Variants in NRP1 observed in about 807,000 individuals in gnomAD.
NRP1 encodes neuropilin 1, also known as neuropilin-1.
A neutral mutation model predicts 106.7 loss-of-function variants in NRP1; 35 were observed. The observed-to-expected ratio is 0.33, with a 90% confidence interval of 0.25 to 0.43. The LOEUF (loss-of-function observed/expected upper bound fraction) is 0.43, where lower values mean the gene tolerates loss of function less well. NRP1 is among the 20% of genes least tolerant of loss of function. The pLI is 1.00. For synonymous variants in NRP1, 437 were observed against 417.9 expected (o/e 1.05, Z -0.56); for missense variants, 1,024 against 1,170.4 (o/e 0.87, Z 1.83).
At chr10:33,249,898 GTT>G (rs145794392) in intron 6 of NRP1, among the ~76,000 whole-genome samples, 1 of 147,174 alleles carries the variant, frequency 6.8e-6, no homozygotes, top group Non-Finnish European at 1.5e-5. Flanking sequence ...ATGATGCATT[GTT>G]TTTTTTTTTA....
At position 33,317,389 on chromosome 10, in the gene NRP1, G is replaced by A. The variant is rs1241480387; in HGVS notation, c.248+13319C>T. ...CTGTCATAACCAGAAATGCAGGAAG[G>A]AGATGGCAAGGTCAAAGGACAGGGG... On this transcript the variant is annotated intron_variant, in intron 2 of 16. Coordinates refer to ENST00000374867, the MANE Select transcript of NRP1 (RefSeq NM_003873.7). Among the ~76,000 whole-genome samples, 3 of 152,320 alleles carry A rather than the reference G, an allele frequency of 2.0e-5. No individual in the cohort carries two copies. The East Asian group carries it at 5.8e-4, about 29-fold the overall frequency.
In NRP1 at chr10:33,254,010, T is replaced by C; in HGVS notation, c.981+18A>G. ...AAACTTATTCAATCCTAGATAGGCT[T>C]GATCTTATGCTGCATACCTGTATCC... is the stretch of plus-strand genomic sequence containing the variant. On this transcript the variant is annotated intron_variant, in intron 6 of 16. Transcript: ENST00000374867. 6.3e-7 allele frequency: 1 copy of C among 1,589,424 alleles called. No individual in the cohort carries two copies. The highest frequency in any genetic ancestry group is 8.5e-7 in the Non-Finnish European group (1 of 1,171,444).
chr10:33,211,013 A>G (rs569038542), intron 9 of NRP1, among the ~76,000 whole-genome samples: 22 of 152,380 alleles, frequency 1.4e-4, no homozygotes, highest in African/African-American at 4.8e-4. Context: ...AGTTTTCAGT[A>G]TCATAGGAAG....
intron 10 of NRP1, among the ~76,000 whole-genome samples, chr10:33,204,598 G>A (rs1588716495): frequency 6.6e-6 from 1 of 152,076 alleles, no homozygotes; most frequent in Non-Finnish European, 1.5e-5. Flanking sequence ...TTCTAAAGGG[G>A]AGTTCCGCAT....
intron 2 of NRP1, among the ~76,000 whole-genome samples, chr10:33,315,553 A>G (rs1462335283): frequency 6.6e-6 from 1 of 152,242 alleles, no homozygotes; most frequent in Non-Finnish European, 1.5e-5. Flanking sequence ...TATGCAAAAC[A>G]CTAAACTCGG....
chr10:33,251,563 C>T (rs545380691), intron 6 of NRP1, among the ~76,000 whole-genome samples: 2 of 152,270 alleles, frequency 1.3e-5, no homozygotes, highest in African/African-American at 4.8e-5. Context: ...TACCTTGCTT[C>T]TCCTGATCAT....
At chr10:33,188,264 A>G (rs993391452) in intron 13 of NRP1, among the ~76,000 whole-genome samples, 1 of 152,138 alleles carries the variant, frequency 6.6e-6, no homozygotes, top group African/African-American at 2.4e-5. Context: ...TCATTGCTCA[A>G]AGTTTATTGA....
At chr10:33,275,730 A>G (rs1303669597) in intron 2 of NRP1, among the ~76,000 whole-genome samples, 4 of 125,108 alleles carry the variant, frequency 3.2e-5, no homozygotes, top group African/African-American at 1.1e-4. Flanking sequence ...AGAACCCCCA[A>G]CACCTTCTCT....
At chr10:33,296,144 C>T (rs1456175796) in intron 2 of NRP1, among the ~76,000 whole-genome samples, 1 of 152,170 alleles carries the variant, frequency 6.6e-6, no homozygotes, top group Non-Finnish European at 1.5e-5. Context: ...AAAGAGTGAT[C>T]TTCAACACCA....
At chr10:33,321,557 T>A (rs999667348) in intron 2 of NRP1, among the ~76,000 whole-genome samples, 2 of 152,228 alleles carry the variant, frequency 1.3e-5, no homozygotes, top group African/African-American at 4.8e-5. Flanking sequence ...GTGTGTTCCT[T>A]TTTTCTTTAA....
chr10:33,307,008 C>T (rs1846212726), intron 2 of NRP1, among the ~76,000 whole-genome samples: 1 of 152,242 alleles, frequency 6.6e-6, no homozygotes, highest in African/African-American at 2.4e-5. Context: ...ACTTTATGGA[C>T]TTTTCCATAC....
intron 6 of NRP1, among the ~76,000 whole-genome samples, chr10:33,239,772 A>T (rs1037108737): frequency 6.6e-5 from 10 of 152,206 alleles, no homozygotes; most frequent in African/African-American, 2.4e-4. Context: ...TTATGCTCTC[A>T]AATACCTCAC....
chr10:33,251,658 A>G (rs781754199), intron 6 of NRP1, among the ~76,000 whole-genome samples: 5 of 152,200 alleles, frequency 3.3e-5, no homozygotes, highest in Admixed American at 6.5e-5. Context: ...ACTCCAAAGA[A>G]TGATGTAAAT....
intron 13 of NRP1, among the ~76,000 whole-genome samples, chr10:33,191,539 C>A (rs550121226): frequency 8.5e-5 from 13 of 152,274 alleles, no homozygotes; most frequent in African/African-American, 3.1e-4. Context: ...GAAAATAATT[C>A]AGAGTCAGGG....
intron 2 of NRP1, among the ~76,000 whole-genome samples, chr10:33,287,502 C>G (rs1272842899): frequency 6.6e-6 from 1 of 152,164 alleles, no homozygotes; most frequent in Non-Finnish European, 1.5e-5. Context: ...TTCTGAAAAG[C>G]TGAAAGAGGT....
intron 13 of NRP1, among the ~76,000 whole-genome samples, chr10:33,187,001 G>A (rs1454038489): frequency 6.6e-6 from 1 of 152,048 alleles, no homozygotes; most frequent in Non-Finnish European, 1.5e-5. Flanking sequence ...ATGACTACGG[G>A]CCCATGCCAC....
intron 4 of NRP1, among the ~76,000 whole-genome samples, chr10:33,260,152 C>A (rs1321015110): frequency 6.6e-6 from 1 of 152,130 alleles, no homozygotes; most frequent in Admixed American, 6.5e-5. Context: ...GAGTAAGCCA[C>A]CACACCTGGC....
At chr10:33,294,024 T>C (rs956836063) in intron 2 of NRP1, among the ~76,000 whole-genome samples, 1 of 152,248 alleles carries the variant, frequency 6.6e-6, no homozygotes, top group Non-Finnish European at 1.5e-5. Context: ...TATTGAACAA[T>C]GCTGGTGTGT....
intron 2 of NRP1, among the ~76,000 whole-genome samples, chr10:33,299,764 T>C (rs781149402): frequency 6.6e-6 from 1 of 152,148 alleles, no homozygotes; most frequent in African/African-American, 2.4e-5. Context: ...CCAGACTGCA[T>C]GACAGAGAGA....
Sources: allele counts gnomAD v4.1 joint callset (sites outside exome capture counted in the v4.1 genomes callset), GRCh38; gene constraint gnomAD v4.1.1; transcripts MANE v1.5; gene names NCBI Gene and HGNC (gene_info 2026-07-23, HGNC 2026-07-21).